Variants in MAPK9 observed in about 807,000 individuals in gnomAD.
MAPK9 encodes the protein mitogen-activated protein kinase 9, also known as Jun kinase.
MAPK9 carries 30 observed loss-of-function variants against 57.1 expected under a neutral mutation model. The observed-to-expected ratio is 0.53, with a 90% confidence interval of 0.39 to 0.71. The LOEUF is 0.71. Ranked by LOEUF, MAPK9 falls within the 30% of genes least tolerant of loss-of-function variation. MAPK9 has a pLI of 0.00. For synonymous variants in MAPK9, 155 were observed against 177.0 expected (o/e 0.88, Z 0.99); for missense variants, 362 against 521.0 (o/e 0.69, Z 2.97).
In MAPK9 at chr5:180,241,124, C is replaced by T. The variant is rs1216253313; in HGVS notation, c.903G>A (p.Met301Ile). 6.2e-7 allele frequency: 1 copy of T among 1,613,860 alleles called. No individual in the cohort carries two copies. Among genetic ancestry groups the T allele is most frequent in the Non-Finnish European group, 8.5e-7 (1 of 1,179,876 alleles). ...TSQARDLLSKMLVIDPDKRIS... is the reference protein window; with the variant it reads ...TSQARDLLSKILVIDPDKRIS... Reference sequence around the variant, plus strand: ...TCCGCTTGTCAGGATCAATCACTAACATTTTTGATAACAGATCTCTGGCTT... The same window carrying T: ...TCCGCTTGTCAGGATCAATCACTAATATTTTTGATAACAGATCTCTGGCTT... The change falls in exon 9 of 12, where the codon ATG becomes ATA. Residue 301 changes from methionine (M) to isoleucine (I), a missense_variant. This residue lies in a region of MAPK9 where 199 missense variants were observed against 251.3 expected (regional missense o/e 0.79). Transcript: ENST00000452135.
At position 180,236,467 on chromosome 5, in the gene MAPK9, A is replaced by G; in HGVS notation, c.1192T>C (p.Ser398Pro). The G allele has an allele frequency of 1.9e-6, 3 of 1,614,132 alleles. No individual in the cohort carries two copies. Among genetic ancestry groups the G allele is most frequent in the Non-Finnish European group, 2.5e-6 (3 of 1,179,982 alleles). ...GCCAGCGTCTGCTCAGTGGACATGG[A>G]TGAAATGTCATTGATCGATGAAGAC... ...SQSSSINDIS[S>P]MSTEQTLASD... Residue 398 changes from serine (S) to proline (P), a missense_variant, in exon 12 of 12, where the codon TCC becomes CCC. Physicochemically the swap from Ser to Pro is moderately conservative, Grantham distance 74 (BLOSUM62 -1). Around this residue, in one of 3 missense-constraint regions of MAPK9, gnomAD observed 199 missense variants for 251.3 expected, o/e 0.79. Transcript: ENST00000452135.
At chr5:180,280,711 A>G in intron 1 of MAPK9, 103 bp from the exon 2 acceptor site, 3 of 858,812 alleles carry the variant, frequency 3.5e-6, no homozygotes, top group Non-Finnish European at 4.9e-6. Context: ...ATGTGGCTGT[A>G]AGTTGATAAA....
chr5:180,244,678 G>A (rs942145975), intron 7 of MAPK9, among the ~76,000 whole-genome samples: 1 of 151,620 alleles, frequency 6.6e-6, no homozygotes, highest in Non-Finnish European at 1.5e-5. Context: ...GGAGGCTGAG[G>A]CAGAAGAATC....
intron 1 of MAPK9, among the ~76,000 whole-genome samples, chr5:180,283,283 C>T (rs1762471051): frequency 6.6e-6 from 1 of 152,212 alleles, no homozygotes. Flanking sequence ...TATGCAACTT[C>T]CAGATCACTT....
chr5:180,263,828 C>CT (rs1760248147), intron 4 of MAPK9, among the ~76,000 whole-genome samples: 1 of 151,790 alleles, frequency 6.6e-6, no homozygotes, highest in Non-Finnish European at 1.5e-5. Flanking sequence ...GCCTCAGCCT[C>CT]CTGAGTAGCT....
At chr5:180,250,567 G>A (rs1012686848) in intron 5 of MAPK9, among the ~76,000 whole-genome samples, 1 of 152,162 alleles carries the variant, frequency 6.6e-6, no homozygotes, top group Admixed American at 6.5e-5. Context: ...GGCCACAAGG[G>A]GGGTTGCAGG....
chr5:180,280,059 G>A (rs1177786999), intron 2 of MAPK9: 15 of 454,480 alleles, frequency 3.3e-5, no homozygotes, highest in Non-Finnish European at 5.3e-5. Context: ...AGGAGTGATC[G>A]GGAATAAAAG....
rs11743530 is a variant in MAPK9 at position 180,249,432 on chromosome 5, C to A, written c.451-294G>T. Among the ~76,000 whole-genome samples the A allele has an allele frequency of 2.7e-3, 415 of 151,964 alleles. 5 individuals are homozygous for A. In the East Asian group the frequency reaches 0.036, roughly 13 times the overall value. On this transcript the variant is annotated intron_variant, in intron 5 of 11. Coordinates refer to ENST00000452135, the MANE Select transcript of MAPK9 (RefSeq NM_002752.5). Reference sequence around the variant, plus strand: ...TCTACCCTCCATCCATGCATCTACACGTCCAGCACACATGCCCCCCTCCCG... The same window carrying A: ...TCTACCCTCCATCCATGCATCTACAAGTCCAGCACACATGCCCCCCTCCCG...
At chr5:180,271,658 T>C (rs1259769876) in intron 2 of MAPK9, among the ~76,000 whole-genome samples, 1 of 152,242 alleles carries the variant, frequency 6.6e-6, no homozygotes, top group Non-Finnish European at 1.5e-5. Context: ...TGAAAATCAA[T>C]ACATGGAGTG....
At chr5:180,255,351 C>G (rs1246413696) in intron 5 of MAPK9, among the ~76,000 whole-genome samples, 3 of 152,038 alleles carry the variant, frequency 2.0e-5, no homozygotes, top group Non-Finnish European at 4.4e-5. Flanking sequence ...GAAACCCCCA[C>G]AAAATCACCA....
chr5:180,260,639 C>T (rs1021579205), intron 5 of MAPK9, among the ~76,000 whole-genome samples: 1 of 151,972 alleles, frequency 6.6e-6, no homozygotes, highest in Non-Finnish European at 1.5e-5. Context: ...GTTTTTTTGT[C>T]AGTTAATACA....
At chr5:180,277,786 A>C (rs1361589046) in intron 2 of MAPK9, among the ~76,000 whole-genome samples, 2 of 152,216 alleles carry the variant, frequency 1.3e-5, no homozygotes, top group African/African-American at 2.4e-5. Flanking sequence ...TTGGAAAAGC[A>C]AGCTTTTTTT....
chr5:180,261,577 T>G, intron 5 of MAPK9, 107 bp downstream of exon 5: 1 of 1,069,838 alleles, frequency 9.3e-7, no homozygotes, highest in South Asian at 1.8e-5. Context: ...CATCATCTAT[T>G]TGGATTTTCA....
chr5:180,234,258 T>C lies in MAPK9; in HGVS notation c.*2126A>G, dbSNP rs955356934. On this transcript the variant is annotated 3_prime_UTR_variant, in exon 12 of 12. Coordinates refer to ENST00000452135, the MANE Select transcript of MAPK9 (RefSeq NM_002752.5). ...TTTAACCAACATCAGCATTTATCCA[T>C]AGAGATCAGTTTGAAACCATTTGCG... is the stretch of plus-strand genomic sequence containing the variant. 1 of 152,190 alleles carries C rather than the reference T, an allele frequency of 6.6e-6. No individual in the cohort carries two copies. Among genetic ancestry groups the C allele is most frequent in the African/African-American group, 2.4e-5 (1 of 41,442 alleles). 9.4% of individuals were successfully genotyped at this position (152,190 alleles called of 1,614,324 possible).
At chr5:180,289,423 A>C (rs952215502) in intron 1 of MAPK9, among the ~76,000 whole-genome samples, 1 of 152,188 alleles carries the variant, frequency 6.6e-6, no homozygotes, top group Non-Finnish European at 1.5e-5. Flanking sequence ...AGAAAAAAAA[A>C]AGTTAAATGG....
At chr5:180,288,059 C>T (rs72811022) in intron 1 of MAPK9, among the ~76,000 whole-genome samples, 22,981 of 152,156 alleles carry the variant, frequency 0.15, 2,130 homozygotes, top group Middle Eastern at 0.2. Context: ...TCATCTGCAA[C>T]ACGGACGAGC....
intron 5 of MAPK9, among the ~76,000 whole-genome samples, chr5:180,252,960 T>C (rs987958692): frequency 3.3e-5 from 5 of 152,138 alleles, no homozygotes; most frequent in African/African-American, 4.8e-5. Flanking sequence ...TCCCAACTTA[T>C]GTGGAGAAGT....
chr5:180,250,712 T>G (rs1364153140), intron 5 of MAPK9, among the ~76,000 whole-genome samples: 1 of 152,158 alleles, frequency 6.6e-6, no homozygotes, highest in African/African-American at 2.4e-5. Context: ...CTGTAAGATT[T>G]AAATGATAAA....
intron 1 of MAPK9, chr5:180,287,126 T>C (rs1294063687): frequency 6.6e-6 from 1 of 152,140 alleles, no homozygotes; most frequent in Non-Finnish European, 1.5e-5. Flanking sequence ...CAGTTATGAA[T>C]GGTGGGGAAA....
Sources: allele counts gnomAD v4.1 joint callset (sites outside exome capture counted in the v4.1 genomes callset), GRCh38; gene constraint gnomAD v4.1.1; regional missense constraint gnomAD v4.1.1; transcripts MANE v1.5; gene names NCBI Gene and HGNC (gene_info 2026-07-23, HGNC 2026-07-21).